ACOX3: variants seen among roughly 807,000 people sequenced by gnomAD.
The protein encoded by ACOX3 is acyl-CoA oxidase 3, pristanoyl.
ACOX3 carries 73 observed loss-of-function variants against 81.5 expected under a neutral mutation model. The ratio of observed to expected loss-of-function variants is 0.90; its 90% CI spans 0.74 to 1.09. The LOEUF is 1.09. ACOX3 is among the 50% of genes least tolerant of loss of function. ACOX3 has a pLI of 0.00. For synonymous variants in ACOX3, 387 were observed against 375.1 expected (o/e 1.03, Z -0.37); for missense variants, 947 against 928.0 (o/e 1.02, Z -0.27).
In ACOX3 at chr4:8,373,865, A is replaced by G. The variant is rs1716583061; in HGVS notation, c.1829-237T>C. The stretch of plus-strand genomic sequence containing the variant: ...TGATGGTCTCTGGCCCGCGGCAGCG[A>G]GGGAGGCAAGGTCCCAGGCTCAGAG... On this transcript the variant is annotated intron_variant, in intron 15 of 17. Transcript: ENST00000356406. The G allele has an allele frequency of 7.0e-6, 4 of 573,242 alleles. No homozygotes were observed. In the South Asian group the frequency reaches 8.2e-5, roughly 12 times the overall value. 35.5% of individuals were successfully genotyped at this position (573,242 alleles called of 1,614,324 possible).
At chr4:8,425,998 C>T (rs1389670492) in intron 1 of ACOX3, among the ~76,000 whole-genome samples, 3 of 152,128 alleles carry the variant, frequency 2.0e-5, no homozygotes, top group Non-Finnish European at 4.4e-5. Flanking sequence ...AAACCCACCT[C>T]GCATGGCCTG....
At chr4:8,369,759 A>G (rs753253301) in intron 17 of ACOX3, among the ~76,000 whole-genome samples, 3 of 152,204 alleles carry the variant, frequency 2.0e-5, no homozygotes. Flanking sequence ...CCTGCCCACT[A>G]AGGCTCAATC....
In ACOX3 at chr4:8,418,625, C is replaced by G. The variant is rs189133568; in HGVS notation, c.-14-2090G>C. 1.3e-4 allele frequency among the ~76,000 whole-genome samples: 20 copies of G among 152,222 alleles called. No individual in the cohort carries two copies. The East Asian group carries it at 3.9e-3, about 29-fold the overall frequency. On this transcript the variant is annotated intron_variant, in intron 1 of 17. Transcript: ENST00000356406. ...CACACCTGTAATCCCTTTGGGAGGCCGAGACGGGCGGATCACCTGAGGTCA... is the reference window on the plus strand; with the variant it reads ...CACACCTGTAATCCCTTTGGGAGGCGGAGACGGGCGGATCACCTGAGGTCA...
At chr4:8,428,090 A>G (rs2631731) in intron 1 of ACOX3, among the ~76,000 whole-genome samples, 112,782 of 152,234 alleles carry the variant, frequency 0.74, 42,467 homozygotes, top group African/African-American at 0.86. Flanking sequence ...CTGCGATGTG[A>G]ATCACTTCCC....
In ACOX3 at chr4:8,414,375, C is replaced by A. The variant is rs145878881; in HGVS notation, c.460G>T (p.Gly154Ter). Reference sequence around the variant, plus strand: ...CTTAATTCGGTCAGAGCAAAACATCCAAAAATCTAAATGTCAAAGCACAAA... The same window carrying A: ...CTTAATTCGGTCAGAGCAAAACATCAAAAAATCTAAATGTCAAAGCACAAA... ...IQKIFRMEIF[G>*]CFALTELSHG... Residue 154 changes from glycine to a stop codon, truncating the protein, a stop_gained, in exon 5 of 18, where the codon GGA (glycine) becomes TGA (stop). Coordinates refer to ENST00000356406, the MANE Select transcript of ACOX3 (RefSeq NM_003501.3). LOFTEE classifies it high-confidence loss of function. The surrounding 1 kb of genome is among the most constrained non-coding windows in gnomAD (Gnocchi z 6.1). 105 of 1,613,766 alleles carry A rather than the reference C, an allele frequency of 6.5e-5. No individual in the cohort carries two copies. In the African/African-American group the frequency reaches 1.3e-3, roughly 20 times the overall value.
intron 14 of ACOX3, among the ~76,000 whole-genome samples, chr4:8,377,887 T>G (rs966018985): frequency 6.6e-6 from 1 of 152,174 alleles, no homozygotes; most frequent in Middle Eastern, 3.4e-3. Flanking sequence ...GCTGGCGCAC[T>G]CCAGCCGAGA....
rs191497006 is a variant in ACOX3 at position 8,430,666 on chromosome 4, G to A, written c.-15+9982C>T. Among the ~76,000 whole-genome samples, 9 of 152,252 alleles carry A rather than the reference G, an allele frequency of 5.9e-5. No individual in the cohort carries two copies. In the East Asian group the frequency reaches 1.7e-3, roughly 29 times the overall value. The stretch of plus-strand genomic sequence containing the variant: ...AGGTCAGGAGTTTGAGACCAGCCTG[G>A]CCAACATGGTGAAACCCCATCTCTA... On this transcript the variant is annotated intron_variant, in intron 1 of 17. Transcript: ENST00000356406. This position sits in a 1 kb window ranked among gnomAD's most constrained non-coding sequence, Gnocchi z 5.2.
chr4:8,370,970 C>T lies in ACOX3; in HGVS notation c.1921G>A (p.Val641Ile), dbSNP rs770559924. The T allele has an allele frequency of 5.6e-6, 9 of 1,614,128 alleles. No homozygotes were observed. Among genetic ancestry groups the T allele is most frequent in the Middle Eastern group, 1.6e-4 (1 of 6,062 alleles). The change falls in exon 17 of 18, where the codon GTA (valine) becomes ATA (isoleucine). Residue 641 changes from valine to isoleucine, a missense_variant. By Grantham distance (29) the Val-to-Ile change is conservative (BLOSUM62 3). Transcript: ENST00000356406. The surrounding 1 kb of genome is among the most constrained non-coding windows in gnomAD (Gnocchi z 6.3). Reference sequence around the variant, plus strand: ...AAGTCAGGAGGAGCGATCACGTCTACCAGGGCAACTGCATCGTCTTTCAGC... The same window carrying T: ...AAGTCAGGAGGAGCGATCACGTCTATCAGGGCAACTGCATCGTCTTTCAGC... Reference protein sequence around the residue: ...SQLKDDAVALVDVIAPPDFVL... With the variant: ...SQLKDDAVALIDVIAPPDFVL...
chr4:8,373,739 G>C, intron 15 of ACOX3, 111 bp from the exon 16 acceptor site: 1 of 935,562 alleles, frequency 1.1e-6, no homozygotes, highest in Non-Finnish European at 1.7e-6. Flanking sequence ...GGCCTGTTTT[G>C]GGTGAACACA....
rs1718223058 is a variant in ACOX3 at position 8,385,735 on chromosome 4, C to G, written c.1537+3438G>C. On this transcript the variant is annotated intron_variant, in intron 13 of 17. Transcript: ENST00000356406. The surrounding 1 kb of genome is among the most constrained non-coding windows in gnomAD (Gnocchi z 5.5). Reference sequence around the variant, plus strand: ...CAGGCAAGCGCAACCCCGGAAGGGGCCTGTGTCTCTCCAGTCCTGCAGAGC... The same window carrying G: ...CAGGCAAGCGCAACCCCGGAAGGGGGCTGTGTCTCTCCAGTCCTGCAGAGC... Among the ~76,000 whole-genome samples the G allele has an allele frequency of 6.6e-6, 1 of 152,258 alleles. No homozygotes were observed. Among genetic ancestry groups the G allele is most frequent in the African/African-American group, 2.4e-5 (1 of 41,478 alleles).
chr4:8,403,968 A>G (rs989539089), intron 7 of ACOX3, among the ~76,000 whole-genome samples: 3 of 152,236 alleles, frequency 2.0e-5, no homozygotes, highest in African/African-American at 7.2e-5. Flanking sequence ...ACACTTCAGT[A>G]GATGGGTAAC....
chr4:8,370,798 T>A lies in ACOX3; in HGVS notation c.1983+110A>T. ...CCTCCCCAAGAAGCTCCTCCATGTG[T>A]GACCACTTTCCAGAAGACACCAGAC... On this transcript the variant is annotated intron_variant, in intron 17 of 17. Transcript: ENST00000356406. The surrounding 1 kb of genome is among the most constrained non-coding windows in gnomAD (Gnocchi z 6.3). 1.0e-6 allele frequency: 1 copy of A among 994,114 alleles called. No homozygotes were observed. Among genetic ancestry groups the A allele is most frequent in the Non-Finnish European group, 1.5e-6 (1 of 654,034 alleles). 61.6% of individuals were successfully genotyped at this position (994,114 alleles called of 1,614,324 possible). A position where few individuals can be genotyped will look rare whatever the true frequency, so the allele number is the denominator to read the frequency against.
At chr4:8,358,690 C>T in the ACOX3 span, among the ~76,000 whole-genome samples, 1 of 152,214 alleles carries the variant, frequency 6.6e-6, no homozygotes, top group Admixed American at 6.5e-5. Context: ...GACCTCTGGT[C>T]ATCCTCACTG....
At chr4:8,413,596 A>G (rs1230307670) in intron 5 of ACOX3, among the ~76,000 whole-genome samples, 1 of 141,550 alleles carries the variant, frequency 7.1e-6, no homozygotes, top group African/African-American at 2.7e-5. Flanking sequence ...CACAGCACTG[A>G]CAGCCCCAAG....
intron 7 of ACOX3, among the ~76,000 whole-genome samples, chr4:8,401,984 G>C (rs562567196): frequency 6.6e-6 from 1 of 152,306 alleles, no homozygotes; most frequent in Non-Finnish European, 1.5e-5. Context: ...GCAGTCTCCC[G>C]GGGCTCACCC....
intron 16 of ACOX3, among the ~76,000 whole-genome samples, chr4:8,372,301 C>T (rs1017337188): frequency 3.3e-5 from 5 of 152,170 alleles, no homozygotes; most frequent in East Asian, 1.9e-4. Flanking sequence ...AGTCTCACTA[C>T]GTTGCCCAGG....
chr4:8,407,810 G>A lies in ACOX3; in HGVS notation c.688-1767C>T, dbSNP rs1721168083. On this transcript the variant is annotated intron_variant, in intron 6 of 17. Coordinates refer to ENST00000356406, the MANE Select transcript of ACOX3 (RefSeq NM_003501.3). The surrounding 1 kb of genome is among the most constrained non-coding windows in gnomAD (Gnocchi z 4.6). ...TGGGAACTCGACGGAAGGACGTGGAGCTTCATCCTTGGGCACTGTTACAGC... is the reference window on the plus strand; with the variant it reads ...TGGGAACTCGACGGAAGGACGTGGAACTTCATCCTTGGGCACTGTTACAGC... Among the ~76,000 whole-genome samples, 1 of 152,238 alleles carries A rather than the reference G, an allele frequency of 6.6e-6. No individual in the cohort carries two copies. The highest frequency in any genetic ancestry group is 1.5e-5 in the Non-Finnish European group (1 of 68,038).
intron 6 of ACOX3, among the ~76,000 whole-genome samples, chr4:8,409,528 C>T (rs1394684835): frequency 1.8e-5 from 2 of 111,970 alleles, no homozygotes. Context: ...TGCGGGTGGG[C>T]CTGTAGGATA....
intron 1 of ACOX3, among the ~76,000 whole-genome samples, chr4:8,418,647 G>C (rs1722600498): frequency 6.6e-6 from 1 of 152,058 alleles, no homozygotes; most frequent in African/African-American, 2.4e-5. Context: ...ATCACCTGAG[G>C]TCAGGAGTTT....
Sources: allele counts gnomAD v4.1 joint callset (sites outside exome capture counted in the v4.1 genomes callset), GRCh38; gene constraint gnomAD v4.1.1; non-coding constraint Gnocchi (gnomAD v3.1); transcripts MANE v1.5; gene names NCBI Gene and HGNC (gene_info 2026-07-23, HGNC 2026-07-21).